The following SMARCAL1 variants were observed in gnomAD, a reference collection of about 807,000 sequenced individuals.
SMARCAL1 encodes the protein SNF2 related chromatin remodeling annealing helicase 1.
A neutral mutation model predicts 94.5 loss-of-function variants in SMARCAL1; 58 were observed. That is an observed-to-expected ratio of 0.61 (90% CI 0.50 to 0.76). The LOEUF is 0.76. Ranked by LOEUF, SMARCAL1 falls within the 30% of genes least tolerant of loss-of-function variation. The pLI, the probability that SMARCAL1 is intolerant of heterozygous loss-of-function variation, is 0.00. For synonymous variants in SMARCAL1, 422 were observed against 455.1 expected (o/e 0.93, Z 0.93); for missense variants, 1,051 against 1,177.9 (o/e 0.89, Z 1.58).
At chr2:216,479,590 T>A (rs1401552500) in intron 17 of SMARCAL1, among the ~76,000 whole-genome samples, 1 of 152,168 alleles carries the variant, frequency 6.6e-6, no homozygotes, top group Non-Finnish European at 1.5e-5. Flanking sequence ...TTGCTAAATA[T>A]TGGGATAAAT....
chr2:216,444,538 A>G, intron 10 of SMARCAL1, among the ~76,000 whole-genome samples: 1 of 152,076 alleles, frequency 6.6e-6, no homozygotes. Context: ...TTTGAGACAG[A>G]GTTTCACTCT....
At chr2:216,425,508 C>T (rs1044911317) in intron 6 of SMARCAL1, among the ~76,000 whole-genome samples, 1 of 152,220 alleles carries the variant, frequency 6.6e-6, no homozygotes, top group African/African-American at 2.4e-5. Flanking sequence ...ACTCTTCACT[C>T]CTGTGGTTCG....
In SMARCAL1 at chr2:216,423,692, C is replaced by G; in HGVS notation, c.1147+9C>G. The G allele has an allele frequency of 6.2e-7, 1 of 1,606,294 alleles. No homozygotes were observed. The stretch of plus-strand genomic sequence containing the variant: ...AGAGCACAGTAAACTAAGTGAGAAG[C>G]CTTCCTTACTTGTTTTATATCATGC... On this transcript the variant is annotated intron_variant, in intron 6 of 17. Transcript: ENST00000357276.
At chr2:216,450,816 A>G (rs764362731) in intron 11 of SMARCAL1, 30 bp from the exon 12 acceptor site, 1 of 1,587,254 alleles carries the variant, frequency 6.3e-7, no homozygotes, top group South Asian at 1.1e-5. Flanking sequence ...AAGGAGCCTC[A>G]TGGGGCTGTC....
At position 216,432,695 on chromosome 2, in the gene SMARCAL1, A is replaced by G. The variant is rs2066521; in HGVS notation, c.1335-23A>G. Reference sequence around the variant, plus strand: ...GAACTCATGCCCCGGGAAATGTGCCATCCTCACCTTGTCTGCCTTCAGTTT... The same window carrying G: ...GAACTCATGCCCCGGGAAATGTGCCGTCCTCACCTTGTCTGCCTTCAGTTT... On this transcript the variant is annotated intron_variant, in intron 7 of 17. Transcript: ENST00000357276. 32,278 of 1,613,810 alleles carry G rather than the reference A, an allele frequency of 0.02. 1,174 individuals are homozygous for G. Among genetic ancestry groups the G allele is most frequent in the East Asian group, 0.16 (7,195 of 44,820 alleles).
At chr2:216,434,459 C>A (rs181735402) in intron 8 of SMARCAL1, among the ~76,000 whole-genome samples, 37 of 152,234 alleles carry the variant, frequency 2.4e-4, no homozygotes, top group African/African-American at 8.9e-4. Flanking sequence ...TAAAAAGAGT[C>A]GCATTCTTTC....
chr2:216,451,036 C>G lies in SMARCAL1; in HGVS notation c.2042C>G (p.Ala681Gly). 6.2e-7 allele frequency: 1 copy of G among 1,614,126 alleles called. No individual in the cohort carries two copies. The highest frequency in any genetic ancestry group is 8.5e-7 in the Non-Finnish European group (1 of 1,179,982). Residue 681 changes from alanine to glycine, a missense_variant, in exon 12 of 18, where the codon GCC becomes GGC. Physicochemically the swap from Ala to Gly is moderately conservative, Grantham distance 60 (BLOSUM62 0). Around this residue, in one of 3 missense-constraint regions of SMARCAL1, gnomAD observed 642 missense variants for 754.7 expected, o/e 0.85. Coordinates refer to ENST00000357276, the MANE Select transcript of SMARCAL1 (RefSeq NM_014140.4). ...ACCAGAGCTGCCCTGGATGCTGCAG[C>G]CAAGGAAATGACCACCAAGGACAAA... Reference protein sequence around the residue: ...ARTRAALDAAAKEMTTKDKTK... With the variant: ...ARTRAALDAAGKEMTTKDKTK...
chr2:216,473,336 TC>T (rs1483713086), intron 14 of SMARCAL1, among the ~76,000 whole-genome samples: 1 of 152,094 alleles, frequency 6.6e-6, no homozygotes, highest in African/African-American at 2.4e-5. Context: ...TGTGTCTCGT[TC>T]CTTTTTAGTG....
intron 4 of SMARCAL1, among the ~76,000 whole-genome samples, chr2:216,418,539 G>A (rs1693652526): frequency 6.6e-6 from 1 of 152,140 alleles, no homozygotes. Flanking sequence ...ATATAAAATT[G>A]TCTCTGTGTC....
intron 16 of SMARCAL1, 85 bp from the exon 17 acceptor site, chr2:216,478,118 T>C (rs776608526): frequency 3.1e-5 from 33 of 1,060,802 alleles, no homozygotes; most frequent in Non-Finnish European, 4.7e-5. Context: ...CGTTGTCCCA[T>C]AAGAACAAGG....
rs771409283 is a variant in SMARCAL1, at chr2:216,420,372, C to T, written c.936C>T (p.Pro312=). 2 of 1,614,220 alleles carry T rather than the reference C, an allele frequency of 1.2e-6. No homozygotes were observed. Among genetic ancestry groups the T allele is most frequent in the Non-Finnish European group, 1.7e-6 (2 of 1,180,046 alleles). Residue 312 remains proline (P), a synonymous_variant, in exon 5 of 18, where the codon CCC becomes CCT. Transcript: ENST00000357276. ...LEWAYGSSES[P]STSSEGQAGL... is the part of the protein sequence containing the mutation. ...GGGCCTATGGCAGCAGCGAGTCACC[C>T]TCCACCAGCAGTGAGGGACAGGCCG...
intron 5 of SMARCAL1, among the ~76,000 whole-genome samples, chr2:216,421,734 G>T (rs1217702550): frequency 1.3e-5 from 2 of 152,140 alleles, no homozygotes; most frequent in Non-Finnish European, 2.9e-5. Context: ...ATGGATCAGT[G>T]TTTCCCCATT....
intron 12 of SMARCAL1, among the ~76,000 whole-genome samples, chr2:216,461,484 C>T (rs1466504776): frequency 6.6e-6 from 1 of 151,970 alleles, no homozygotes; most frequent in Non-Finnish European, 1.5e-5. Context: ...GGAAGGAAAA[C>T]AGGTTACTGT....
At chr2:216,457,919 C>T (rs1357513126) in intron 12 of SMARCAL1, among the ~76,000 whole-genome samples, 1 of 151,940 alleles carries the variant, frequency 6.6e-6, no homozygotes, top group African/African-American at 2.4e-5. Flanking sequence ...AAAAGATCAA[C>T]AAAATTGATA....
intron 7 of SMARCAL1, among the ~76,000 whole-genome samples, chr2:216,431,066 C>A (rs1013106294): frequency 1.3e-5 from 2 of 152,230 alleles, no homozygotes; most frequent in African/African-American, 4.8e-5. Flanking sequence ...GGGCTGCCCC[C>A]TCTCCTAGGC....
rs754695954 is a variant in SMARCAL1 at position 216,432,751 on chromosome 2, C to T, written c.1368C>T (p.Leu456=). 3 of 1,614,168 alleles carry T rather than the reference C, an allele frequency of 1.9e-6. No homozygotes were observed. The highest frequency in any genetic ancestry group is 1.3e-5 in the African/African-American group (1 of 75,042). ...FAIAKGGRLL[L]ADDMGLGKTI... is the part of the protein sequence containing the mutation. ...TAGCCAAAGGAGGCCGCCTGCTGCT[C>T]GCTGACGACATGGGCCTGGGGAAGA... The change falls in exon 8 of 18, where the codon CTC becomes CTT. Residue 456 remains leucine, a synonymous_variant. Transcript: ENST00000357276.
At chr2:216,448,391 C>T (rs1406082331) in intron 11 of SMARCAL1, among the ~76,000 whole-genome samples, 2 of 152,166 alleles carry the variant, frequency 1.3e-5, no homozygotes, top group Admixed American at 1.3e-4. Context: ...TAATAATGTT[C>T]AGCTAGTGAT....
chr2:216,447,320 AG>A (rs34698037), intron 11 of SMARCAL1, among the ~76,000 whole-genome samples, 162 bp downstream of exon 11: 4 of 152,084 alleles, frequency 2.6e-5, no homozygotes, highest in Admixed American at 2.0e-4. Context: ...GAATGACCTC[AG>A]GGGTAAGATG....
intron 12 of SMARCAL1, among the ~76,000 whole-genome samples, chr2:216,458,040 G>A (rs2106064296): frequency 6.6e-6 from 1 of 152,276 alleles, no homozygotes; most frequent in South Asian, 2.1e-4. Context: ...ACTACCATCA[G>A]AGATATTATA....
Sources: allele counts gnomAD v4.1 joint callset (sites outside exome capture counted in the v4.1 genomes callset), GRCh38; gene constraint gnomAD v4.1.1; regional missense constraint gnomAD v4.1.1; transcripts MANE v1.5; gene names NCBI Gene and HGNC (gene_info 2026-07-23, HGNC 2026-07-21).